AAK1: variants seen among roughly 807,000 people sequenced by gnomAD.
AAK1 encodes the protein AP2-associated protein kinase 1.
AAK1 carries 37 observed loss-of-function variants against 116.0 expected under a neutral mutation model. That is an observed-to-expected ratio of 0.32 (90% confidence interval 0.25 to 0.42). AAK1 has a LOEUF of 0.42. Among genes scored for constraint, AAK1 ranks in the 10% least tolerant of loss-of-function variants. The probability of loss-of-function intolerance (pLI) is 1.00; values close to 1 mark genes in which losing one functional copy is unlikely to be tolerated. For missense variants in AAK1, 919 were observed against 1,170.6 expected (o/e 0.79, Z 3.14); for synonymous variants, 458 against 439.9 (o/e 1.04, Z -0.51).
chr2:69,518,880 C>T (rs1038660755), intron 12 of AAK1, 74 bp downstream of exon 12: 1 of 1,458,700 alleles, frequency 6.9e-7, no homozygotes, highest in Non-Finnish European at 9.1e-7. Context: ...TCTGGGAAGA[C>T]ACCTTTACCT....
chr2:69,619,132 C>T (rs562288232), intron 2 of AAK1, among the ~76,000 whole-genome samples: 5 of 152,160 alleles, frequency 3.3e-5, no homozygotes, highest in African/African-American at 1.2e-4. Flanking sequence ...AATCACACAG[C>T]CTTACAAGAC....
rs186183665 is a variant in AAK1 at position 69,509,465 on chromosome 2, T to C, written c.1777-5A>G. ...TTGTCTTACTGGGGCTTGAATCTGC[T>C]AGGAAGAGAGACGGAAAGTGTTTCA... On this transcript the variant is annotated splice_polypyrimidine_tract_variant and splice_region_variant and intron_variant, in intron 13 of 21. Coordinates refer to ENST00000409085, the MANE Select transcript of AAK1 (RefSeq NM_014911.5). 3.7e-6 allele frequency: 6 copies of C among 1,609,630 alleles called. No homozygotes were observed. In the African/African-American group the frequency reaches 5.4e-5, roughly 14 times the overall value.
intron 19 of AAK1, among the ~76,000 whole-genome samples, chr2:69,479,692 T>C (rs1675008599): frequency 6.6e-6 from 1 of 152,186 alleles, no homozygotes; most frequent in Admixed American, 6.5e-5. Context: ...TAGCTAGTAT[T>C]CTTTACATTG....
intron 2 of AAK1, among the ~76,000 whole-genome samples, chr2:69,603,428 G>T (rs908808806): frequency 6.6e-6 from 1 of 152,244 alleles, no homozygotes; most frequent in Non-Finnish European, 1.5e-5. Flanking sequence ...TCCTCTGTTA[G>T]CTTGTGGGCT....
intron 16 of AAK1, among the ~76,000 whole-genome samples, chr2:69,503,974 C>T (rs896515656): frequency 4.1e-5 from 6 of 146,668 alleles, no homozygotes; most frequent in Non-Finnish European, 7.5e-5. Flanking sequence ...ACTCCAGCCC[C>T]GGCAACAAGA....
At chr2:69,643,310 G>C (rs983371479) in intron 1 of AAK1, 36 bp from the exon 2 acceptor site, 1 of 1,342,300 alleles carries the variant, frequency 7.4e-7, no homozygotes, top group Non-Finnish European at 9.5e-7. Context: ...GGATGAATCA[G>C]TAACACGCTT....
intron 2 of AAK1, among the ~76,000 whole-genome samples, chr2:69,596,806 G>A (rs974175928): frequency 1.3e-5 from 2 of 152,128 alleles, no homozygotes; most frequent in Non-Finnish European, 2.9e-5. Context: ...AGAATGCTGG[G>A]GTATGTGGTG....
intron 2 of AAK1, among the ~76,000 whole-genome samples, chr2:69,641,018 T>C (rs923890770): frequency 1.3e-5 from 2 of 152,226 alleles, no homozygotes; most frequent in African/African-American, 4.8e-5. Context: ...AATGCAGAGC[T>C]ACAAGTCCTA....
At chr2:69,638,841 G>C (rs1343026744) in intron 2 of AAK1, among the ~76,000 whole-genome samples, 1 of 152,144 alleles carries the variant, frequency 6.6e-6, no homozygotes, top group Non-Finnish European at 1.5e-5. Flanking sequence ...GTATGTCAAA[G>C]GCCACGCTTA....
chr2:69,632,937 G>A (rs1405746280), intron 2 of AAK1, among the ~76,000 whole-genome samples: 3 of 151,962 alleles, frequency 2.0e-5, no homozygotes, highest in South Asian at 2.1e-4. Flanking sequence ...GGAGGCTGAG[G>A]CAGGAGAATG....
chr2:69,621,335 C>T (rs539325811), intron 2 of AAK1, among the ~76,000 whole-genome samples: 42 of 152,172 alleles, frequency 2.8e-4, no homozygotes, highest in African/African-American at 8.9e-4. Flanking sequence ...AAAGATTAGC[C>T]GGGCTTGGTG....
intron 2 of AAK1, among the ~76,000 whole-genome samples, chr2:69,591,316 C>T (rs1673015064): frequency 3.9e-5 from 6 of 152,056 alleles, no homozygotes; most frequent in Admixed American, 3.9e-4. Flanking sequence ...GGTCTACTGA[C>T]CAACACCACT....
intron 2 of AAK1, among the ~76,000 whole-genome samples, chr2:69,584,903 T>TA (rs1311287010): frequency 2.6e-5 from 4 of 152,214 alleles, no homozygotes; most frequent in Admixed American, 6.5e-5. Context: ...TTCCACACTC[T>TA]AAAAATCACT....
At chr2:69,500,837 C>T (rs1675955551) in intron 16 of AAK1, among the ~76,000 whole-genome samples, 1 of 150,928 alleles carries the variant, frequency 6.6e-6, no homozygotes. Flanking sequence ...GAAACATAAC[C>T]ATGTGTAATA....
chr2:69,620,003 A>G (rs140171860), intron 2 of AAK1, among the ~76,000 whole-genome samples: 60 of 152,288 alleles, frequency 3.9e-4, no homozygotes, highest in African/African-American at 1.3e-3. Flanking sequence ...AGTAACTAAC[A>G]TGAAATGATT....
chr2:69,548,377 T>C (rs1258964329), intron 3 of AAK1, among the ~76,000 whole-genome samples: 2 of 152,144 alleles, frequency 1.3e-5, no homozygotes, highest in Non-Finnish European at 2.9e-5. Context: ...AGGCAGCCCA[T>C]ATCTGAATCC....
At chr2:69,479,438 T>G (rs1049529068) in intron 19 of AAK1, among the ~76,000 whole-genome samples, 1 of 152,132 alleles carries the variant, frequency 6.6e-6, no homozygotes, top group Non-Finnish European at 1.5e-5. Flanking sequence ...GTTAAATAGG[T>G]CTGTGATTTG....
chr2:69,500,987 G>A (rs1675960056), intron 16 of AAK1, among the ~76,000 whole-genome samples: 1 of 151,994 alleles, frequency 6.6e-6, no homozygotes, highest in Non-Finnish European at 1.5e-5. Context: ...CAACACGTCT[G>A]TATGGAGCCA....
In AAK1 at chr2:69,530,592, A is replaced by C. The variant is rs763541488; in HGVS notation, c.738+33T>G. ...GGAATTCACAGTCAAGACTGCTGCT[A>C]TCTGAGGTATGGATAGGTTACCTGA... On this transcript the variant is annotated intron_variant, in intron 7 of 21. Coordinates refer to ENST00000409085, the MANE Select transcript of AAK1 (RefSeq NM_014911.5). The C allele has an allele frequency of 1.0e-5, 16 of 1,554,528 alleles. No homozygotes were observed. In the East Asian group the frequency reaches 3.4e-4, roughly 33 times the overall value.
Sources: gnomAD v4.1 joint callset for allele counts (sites outside exome capture counted in the v4.1 genomes callset) on GRCh38, gnomAD v4.1.1 for gene constraint, MANE v1.5 for transcripts, NCBI Gene and HGNC (gene_info 2026-07-23, HGNC 2026-07-21) for gene names.